RAB38: variants seen among roughly 807,000 people sequenced by gnomAD.
RAB38 encodes the protein ras-related protein Rab-38.
Under a neutral mutation model 18.4 loss-of-function variants are expected in RAB38, and 15 were observed. The observed-to-expected ratio is 0.82, with a 90% confidence interval of 0.55 to 1.26. RAB38 has a LOEUF of 1.26. RAB38 is among the 50% of genes most tolerant of loss of function. The pLI, the probability that RAB38 is intolerant of heterozygous loss-of-function variation, is 0.00. For synonymous variants in RAB38, 101 were observed against 104.4 expected (o/e 0.97, Z 0.20); for missense variants, 294 against 267.4 (o/e 1.10, Z -0.69).
At chr11:88,031,190 A>G in the RAB38 span, among the ~76,000 whole-genome samples, 1 of 152,230 alleles carries the variant, frequency 6.6e-6, no homozygotes, top group South Asian at 2.1e-4. Flanking sequence ...GCTTCATGCT[A>G]AAAACTCTCA....
chr11:88,173,883 A>T, intron 1 of RAB38: 1 of 985,460 alleles, frequency 1.0e-6, no homozygotes, highest in Non-Finnish European at 1.2e-6. Flanking sequence ...AAGAGGCACG[A>T]AAGTCCCCAG....
the RAB38 span, among the ~76,000 whole-genome samples, chr11:88,075,414 A>G: frequency 6.6e-6 from 1 of 152,222 alleles, no homozygotes; most frequent in Admixed American, 6.5e-5. Flanking sequence ...ATATACAAAA[A>G]CATGGAAATT....
chr11:87,814,001 G>A, the RAB38 span, among the ~76,000 whole-genome samples: 17 of 152,164 alleles, frequency 1.1e-4, no homozygotes, highest in Non-Finnish European at 2.1e-4. Flanking sequence ...GGGCAGGGAT[G>A]CTTGCATGTG....
At chr11:87,915,596 C>T in the RAB38 span, among the ~76,000 whole-genome samples, 2 of 152,124 alleles carry the variant, frequency 1.3e-5, no homozygotes, top group African/African-American at 4.8e-5. Context: ...TTGCCCACCC[C>T]TTTCCTGGAA....
chr11:88,043,459 T>C, the RAB38 span, among the ~76,000 whole-genome samples: 1 of 152,148 alleles, frequency 6.6e-6, no homozygotes, highest in African/African-American at 2.4e-5. Flanking sequence ...CCTGCACGTA[T>C]ACATCCAGAT....
At chr11:88,105,554 G>C in the RAB38 span, among the ~76,000 whole-genome samples, 4,202 of 152,196 alleles carry the variant, frequency 0.028, 85 homozygotes, top group Non-Finnish European at 0.043. Context: ...ATTCAGATGG[G>C]ATCTTCATTT....
the RAB38 span, among the ~76,000 whole-genome samples, chr11:87,878,273 T>TCTAC: frequency 7.3e-6 from 1 of 136,162 alleles, no homozygotes; most frequent in African/African-American, 3.1e-5. Context: ...TATCTATCTA[T>TCTAC]CTATCTATCT....
the RAB38 span, among the ~76,000 whole-genome samples, chr11:87,847,908 C>G: frequency 5.9e-5 from 9 of 151,968 alleles, no homozygotes; most frequent in African/African-American, 2.2e-4. Context: ...AATAAAAGAG[C>G]TAAGAGAATA....
the RAB38 span, among the ~76,000 whole-genome samples, chr11:88,100,937 T>C: frequency 1.3e-5 from 2 of 152,008 alleles, no homozygotes; most frequent in East Asian, 1.9e-4. Flanking sequence ...TGCTAGGGAA[T>C]AGGATGATCT....
the RAB38 span, among the ~76,000 whole-genome samples, chr11:87,871,836 A>G: frequency 2.0e-5 from 3 of 151,684 alleles, no homozygotes; most frequent in East Asian, 3.9e-4. Flanking sequence ...ACTTCTGCGT[A>G]GCAATGGTTT....
the RAB38 span, among the ~76,000 whole-genome samples, chr11:87,852,376 C>T: frequency 1.3e-5 from 2 of 152,148 alleles, no homozygotes; most frequent in Non-Finnish European, 2.9e-5. Flanking sequence ...ACCTTCTAGT[C>T]ATTTCATTGT....
chr11:87,969,489 A>C, the RAB38 span, among the ~76,000 whole-genome samples: 1 of 152,222 alleles, frequency 6.6e-6, no homozygotes, highest in Non-Finnish European at 1.5e-5. Context: ...TTAGACGTGA[A>C]GAATGAAGTC....
downstream of RAB38, among the ~76,000 whole-genome samples, chr11:88,111,147 T>C (rs962094190): frequency 3.9e-5 from 6 of 152,212 alleles, no homozygotes; most frequent in African/African-American, 1.4e-4. Flanking sequence ...TCAAGGTTCA[T>C]TGCATAGTGC....
chr11:87,889,179 G>GCCCTCTA, the RAB38 span, among the ~76,000 whole-genome samples: 2 of 151,520 alleles, frequency 1.3e-5, no homozygotes, highest in Admixed American at 6.6e-5. Flanking sequence ...TGATGTGCCT[G>GCCCTCTA]CCCAGGAAGT....
At chr11:88,090,772 T>C in the RAB38 span, among the ~76,000 whole-genome samples, 88,380 of 151,666 alleles carry the variant, frequency 0.58, 26,243 homozygotes, top group South Asian at 0.68. Flanking sequence ...CCAAAAAACC[T>C]ACAGTGCTCA....
chr11:87,862,632 A>G, the RAB38 span, among the ~76,000 whole-genome samples: 1 of 151,876 alleles, frequency 6.6e-6, no homozygotes, highest in Non-Finnish European at 1.5e-5. Context: ...CTATGTAACA[A>G]ACCTGCACTT....
the RAB38 span, among the ~76,000 whole-genome samples, chr11:87,892,040 A>T: frequency 3.3e-5 from 5 of 151,818 alleles, no homozygotes; most frequent in Non-Finnish European, 2.9e-5. Flanking sequence ...TACCTAGCAC[A>T]ATACCTGTTC....
chr11:87,932,981 T>TA, the RAB38 span, among the ~76,000 whole-genome samples: 1 of 152,100 alleles, frequency 6.6e-6, no homozygotes, highest in East Asian at 1.9e-4. Context: ...TCTGCTAAGT[T>TA]ATATTTTCTG....
intron 2 of RAB38, among the ~76,000 whole-genome samples, chr11:88,116,297 C>T (rs1942552287): frequency 6.6e-6 from 1 of 152,170 alleles, no homozygotes; most frequent in Admixed American, 6.5e-5. Context: ...GCCCAGACTT[C>T]CACTTAAGAG....
Sources: gnomAD v4.1 joint callset for allele counts (sites outside exome capture counted in the v4.1 genomes callset) on GRCh38, gnomAD v4.1.1 for gene constraint, MANE v1.5 for transcripts, NCBI Gene and HGNC (gene_info 2026-07-23, HGNC 2026-07-21) for gene names.